The following PTPN18 variants were observed in gnomAD, a reference collection of about 807,000 sequenced individuals.
The protein encoded by PTPN18 is protein tyrosine phosphatase non-receptor type 18.
In PTPN18, 65 loss-of-function variants were observed where a neutral mutation model predicts 65.4. That is an observed-to-expected ratio of 0.99 (90% confidence interval 0.81 to 1.22). The LOEUF (loss-of-function observed/expected upper bound fraction) is 1.22, where lower values mean the gene tolerates loss of function less well. Ranked by LOEUF, PTPN18 falls within the 50% of genes most tolerant of loss-of-function variation. The pLI is 0.00. For missense variants in PTPN18, 616 were observed against 646.5 expected (o/e 0.95, Z 0.51); for synonymous variants, 255 against 267.8 (o/e 0.95, Z 0.47).
At position 130,369,807 on chromosome 2, in the gene PTPN18, C is replaced by T. The variant is rs143383737; in HGVS notation, c.526C>T (p.Leu176Phe). The T allele has an allele frequency of 8.9e-5, 143 of 1,603,684 alleles. 1 individual carries two copies. The African/African-American group carries it at 1.8e-3, about 21-fold the overall frequency. The change falls in exon 7 of 15, where the codon CTC becomes TTC. Residue 176 changes from leucine to phenylalanine, a missense_variant. Physicochemically the swap from Leu to Phe is conservative, Grantham distance 22. Transcript: ENST00000175756. Reference protein sequence around the residue: ...WLNEDIMLRTLKVTFQKESRS... With the variant: ...WLNEDIMLRTFKVTFQKESRS... The stretch of plus-strand genomic sequence containing the variant: ...GAATGAGGACATCATGCTCAGGACC[C>T]TCAAGGTCACATTCCAGAAGGTACT...
chr2:130,362,963 G>A (rs942394951), intron 5 of PTPN18, among the ~76,000 whole-genome samples: 15 of 151,920 alleles, frequency 9.9e-5, no homozygotes, highest in Non-Finnish European at 2.9e-5. Context: ...AGGACTACAG[G>A]CGCCTGCCAC....
At chr2:130,372,760 G>T in intron 13 of PTPN18, 113 bp from the exon 14 acceptor site, 4 of 1,310,034 alleles carry the variant, frequency 3.1e-6, no homozygotes, top group Non-Finnish European at 3.2e-6. Context: ...TCTCCCGCCC[G>T]GCGCCCTCGG....
At chr2:130,364,493 C>T (rs780030032) in intron 5 of PTPN18, among the ~76,000 whole-genome samples, 8 of 152,134 alleles carry the variant, frequency 5.3e-5, no homozygotes, top group Admixed American at 1.3e-4. Flanking sequence ...GTAAATAAGG[C>T]GGCTACAAAC....
At chr2:130,361,563 T>TTTCTTTCTTTCTTTCTTTCTTTCTTTC (rs1680213275) in intron 5 of PTPN18, among the ~76,000 whole-genome samples, 1 of 125,744 alleles carries the variant, frequency 8.0e-6, no homozygotes, top group African/African-American at 3.1e-5. Flanking sequence ...TCTTTCTTTC[T>TTTCTTTCTTTCTTTCTTTCTTTCTTTC]TTCCTTTCTT....
At position 130,374,764 on chromosome 2, in the gene PTPN18, G is replaced by T; in HGVS notation, c.*1540G>T. The T allele has an allele frequency of 2.2e-6, 1 of 461,486 alleles. No homozygotes were observed. The highest frequency in any genetic ancestry group is 4.5e-6 in the Non-Finnish European group (1 of 224,372). The allele number at this position is 461,486 out of a possible 1,614,324, so 28.6% of individuals were successfully genotyped here. ...GTCCACCCCTGTCCTGCCCTTCTCT[G>T]GGATAGGGCTGGCCTTCCTCTGCCT... is the stretch of plus-strand genomic sequence containing the variant. On this transcript the variant is annotated 3_prime_UTR_variant, in exon 15 of 15. Coordinates refer to ENST00000175756, the MANE Select transcript of PTPN18 (RefSeq NM_014369.4).
At chr2:130,360,836 CT>C (rs761633333) in intron 5 of PTPN18, among the ~76,000 whole-genome samples, 4,150 of 144,864 alleles carry the variant, frequency 0.029, 149 homozygotes, top group African/African-American at 0.094. Flanking sequence ...TCATTTTCCA[CT>C]TTTTTTTTTT....
chr2:130,373,144 C>T lies in PTPN18; in HGVS notation c.1316-13C>T, dbSNP rs201446349. 2.9e-4 allele frequency: 449 copies of T among 1,568,452 alleles called. 3 individuals are homozygous for T. In the Middle Eastern group the frequency reaches 0.013, roughly 47 times the overall value. ...GCTTCTCCATGAGACCCACGGCACC[C>T]TTCTTCTCCCAGGTTTCAACCTGCG... On this transcript the variant is annotated splice_polypyrimidine_tract_variant and intron_variant, in intron 14 of 14. Coordinates refer to ENST00000175756, the MANE Select transcript of PTPN18 (RefSeq NM_014369.4). The surrounding 1 kb of genome is among the most constrained non-coding windows in gnomAD (Gnocchi z 4.1).
At chr2:130,367,519 C>CA (rs1680424097) in intron 5 of PTPN18, among the ~76,000 whole-genome samples, 1 of 151,716 alleles carries the variant, frequency 6.6e-6, no homozygotes, top group Non-Finnish European at 1.5e-5. Flanking sequence ...ACTAAAAATA[C>CA]AAAAAAAGGT....
At chr2:130,361,269 A>AT (rs1680181693) in intron 5 of PTPN18, among the ~76,000 whole-genome samples, 1 of 151,844 alleles carries the variant, frequency 6.6e-6, no homozygotes, top group Non-Finnish European at 1.5e-5. Context: ...ATTTCTGACA[A>AT]TTTTTTTTGT....
rs1195738575 is a variant in PTPN18, at chr2:130,373,266, ACTG to A, written c.*46_*48del. 7.9e-6 allele frequency: 12 copies of A among 1,512,500 alleles called. No homozygotes were observed. Among genetic ancestry groups the A allele is most frequent in the African/African-American group, 2.8e-5 (2 of 71,502 alleles). 93.7% of individuals were successfully genotyped at this position (1,512,500 alleles called of 1,614,324 possible). A position where few individuals can be genotyped will look rare whatever the true frequency, so the allele number is the denominator to read the frequency against. On this transcript the variant is annotated 3_prime_UTR_variant, in exon 15 of 15. Coordinates refer to ENST00000175756, the MANE Select transcript of PTPN18 (RefSeq NM_014369.4). This position sits in a 1 kb window ranked among gnomAD's most constrained non-coding sequence, Gnocchi z 4.1. The stretch of plus-strand genomic sequence containing the variant: ...TGCCTGTTGCCTCTTGTGAGCTCGG[ACTG>A]CTGATGCCCCGGTGCTGCTGAGCGC...
intron 5 of PTPN18, among the ~76,000 whole-genome samples, chr2:130,361,540 T>TTCTTTCTC (rs1680204118): frequency 7.2e-6 from 1 of 139,368 alleles, no homozygotes; most frequent in Admixed American, 6.9e-5. Context: ...CTTTCTTTCT[T>TTCTTTCTC]TCTTTCTTTC....
rs532255312 is a variant in PTPN18 at position 130,361,371 on chromosome 2, T to C, written c.414+1725T>C. 6.9e-4 allele frequency among the ~76,000 whole-genome samples: 105 copies of C among 152,348 alleles called. 1 individual carries two copies. The highest frequency in any genetic ancestry group is 2.4e-3 in the African/African-American group (100 of 41,580). On this transcript the variant is annotated intron_variant, in intron 5 of 14. Transcript: ENST00000175756. ...CTTTTCATGTTTTAAAACTTTATGA[T>C]TGAGTACATATACATTTAGGATTAT...
chr2:130,373,218 G>A lies in PTPN18; in HGVS notation c.1377G>A (p.Arg459=), dbSNP rs776131547. 19 of 1,598,248 alleles carry A rather than the reference G, an allele frequency of 1.2e-5. No individual in the cohort carries two copies. In the Admixed American group the frequency reaches 3.2e-4, roughly 27 times the overall value. The change falls in exon 15 of 15, where the codon CGG becomes CGA. Residue 459 remains arginine (R), a synonymous_variant. Coordinates refer to ENST00000175756, the MANE Select transcript of PTPN18 (RefSeq NM_014369.4). The surrounding 1 kb of genome is among the most constrained non-coding windows in gnomAD (Gnocchi z 4.1). Reference sequence around the variant, plus strand: ...GGGACCCGCCTGCTGAGTGGACCCGGGTGTAAGTCTAACGCCAGTTCCTGC... The same window carrying A: ...GGGACCCGCCTGCTGAGTGGACCCGAGTGTAAGTCTAACGCCAGTTCCTGC... ...GPRDPPAEWT[R]V is the part of the protein sequence containing the mutation.
rs1246812705 is a variant in PTPN18, at chr2:130,374,882, A to C, written c.*1658A>C. 2 of 319,640 alleles carry C rather than the reference A, an allele frequency of 6.3e-6. No individual in the cohort carries two copies. Among genetic ancestry groups the C allele is most frequent in the African/African-American group, 4.3e-5 (2 of 46,218 alleles). The allele number at this position is 319,640 out of a possible 1,614,324, so 19.8% of individuals were successfully genotyped here. On this transcript the variant is annotated 3_prime_UTR_variant, in exon 15 of 15. Transcript: ENST00000175756. ...ATCAAGGAATGATGGGGATGTGTAC[A>C]TACCCCACCCCACCCCTTGGCAGGG...
At chr2:130,369,293 C>T (rs935951124) in intron 6 of PTPN18, 92 bp downstream of exon 6, 2 of 1,181,684 alleles carry the variant, frequency 1.7e-6, no homozygotes, top group Non-Finnish European at 2.5e-6. Flanking sequence ...ACAGTCCACT[C>T]ATACTGCAGG....
At chr2:130,360,468 G>A (rs1680156624) in intron 5 of PTPN18, among the ~76,000 whole-genome samples, 1 of 152,110 alleles carries the variant, frequency 6.6e-6, no homozygotes, top group Non-Finnish European at 1.5e-5. Flanking sequence ...ATGATCTGTA[G>A]TCTTGTCTCT....
rs748268649 is a variant in PTPN18 at position 130,374,903 on chromosome 2, C to T, written c.*1679C>T. ...GTACATACCCCACCCCACCCCTTGG[C>T]AGGGTGATGCTGAGGTGTGGATTTT... is the stretch of plus-strand genomic sequence containing the variant. On this transcript the variant is annotated 3_prime_UTR_variant, in exon 15 of 15. Transcript: ENST00000175756. 16 of 299,310 alleles carry T rather than the reference C, an allele frequency of 5.3e-5. No homozygotes were observed. Among genetic ancestry groups the T allele is most frequent in the Non-Finnish European group, 1.0e-4 (15 of 147,594 alleles). 18.5% of individuals were successfully genotyped at this position (299,310 alleles called of 1,614,324 possible). A position where few individuals can be genotyped will look rare whatever the true frequency, so the allele number is the denominator to read the frequency against.
chr2:130,372,106 A>C (rs2271784), intron 12 of PTPN18, 151 bp from the exon 13 acceptor site: 8 of 666,802 alleles, frequency 1.2e-5, no homozygotes, highest in Non-Finnish European at 1.9e-5. Context: ...GGGACACAGA[A>C]GCGAGGCCTC....
rs1204388503 is a variant in PTPN18, at chr2:130,372,901, T to C, written c.1269T>C (p.Ser423=). 1 of 1,614,200 alleles carries C rather than the reference T, an allele frequency of 6.2e-7. No homozygotes were observed. Among genetic ancestry groups the C allele is most frequent in the South Asian group, 1.1e-5 (1 of 91,086 alleles). ...RVPADQSPAG[S]GAYEDVAGGA... Reference sequence around the variant, plus strand: ...CTGCTGACCAAAGTCCTGCCGGATCTGGCGCCTACGAGGACGTGGCGGGTG... The same window carrying C: ...CTGCTGACCAAAGTCCTGCCGGATCCGGCGCCTACGAGGACGTGGCGGGTG... The change falls in exon 14 of 15, where the codon TCT becomes TCC. Residue 423 remains serine (S), a synonymous_variant. Coordinates refer to ENST00000175756, the MANE Select transcript of PTPN18 (RefSeq NM_014369.4).
Sources: gnomAD v4.1 joint callset for allele counts (sites outside exome capture counted in the v4.1 genomes callset) on GRCh38, gnomAD v4.1.1 for gene constraint, Gnocchi (gnomAD v3.1) non-coding constraint, MANE v1.5 for transcripts, NCBI Gene and HGNC (gene_info 2026-07-23, HGNC 2026-07-21) for gene names.